Variants in ABCC6 observed in about 807,000 individuals in gnomAD.
ABCC6 encodes the protein ATP binding cassette subfamily C member 6, also known as ATP-binding cassette sub-family C member 6.
A neutral mutation model predicts 169.5 loss-of-function variants in ABCC6; 126 were observed. The observed-to-expected ratio is 0.74, with a 90% CI of 0.64 to 0.86. The LOEUF is 0.86. Ranked by LOEUF, ABCC6 falls within the 40% of genes least tolerant of loss-of-function variation. The pLI, the probability that ABCC6 is intolerant of heterozygous loss-of-function variation, is 0.00. For missense variants in ABCC6, 1,733 were observed against 1,927.2 expected, an observed-to-expected ratio of 0.90 and a Z score of 1.89; for synonymous variants, 752 against 814.7, an observed-to-expected ratio of 0.92 and a Z score of 1.31.
At chr16:16,189,181 C>T (rs979638768) in intron 12 of ABCC6, among the ~76,000 whole-genome samples, 4 of 152,204 alleles carry the variant, frequency 2.6e-5, no homozygotes, top group South Asian at 2.1e-4. Context: ...AAAGACACAG[C>T]GCATTGCTAA....
rs1400122631 is a variant in ABCC6, at chr16:16,199,852, G to A, written c.1177-1670C>T. ...GGAGGCTGAGGCGGGTGGATTGCTTGAGGCCGGGAGTTCGAGATCAGCCTG... is the reference window on the plus strand; with the variant it reads ...GGAGGCTGAGGCGGGTGGATTGCTTAAGGCCGGGAGTTCGAGATCAGCCTG... On this transcript the variant is annotated intron_variant, in intron 9 of 30. Transcript: ENST00000205557. Among the ~76,000 whole-genome samples the A allele has an allele frequency of 2.0e-5, 3 of 150,902 alleles. No individual in the cohort carries two copies. In the Admixed American group the frequency reaches 2.0e-4, roughly 10 times the overall value.
chr16:16,179,048 C>T (rs1420659710), intron 17 of ABCC6, 83 bp from the exon 18 acceptor site: 1 of 1,440,242 alleles, frequency 6.9e-7, no homozygotes. Flanking sequence ...GGTCAGGGCA[C>T]ACCTGCCCAT....
intron 17 of ABCC6, 75 bp downstream of exon 17, chr16:16,182,337 C>T: frequency 6.4e-7 from 1 of 1,554,124 alleles, no homozygotes; most frequent in Non-Finnish European, 8.9e-7. Flanking sequence ...ATCATACTGC[C>T]CATGATGAGT....
At chr16:16,155,838 T>C (rs889496250) in intron 27 of ABCC6, 1 of 152,362 alleles carries the variant, frequency 6.6e-6, no homozygotes, top group Non-Finnish European at 1.5e-5. Context: ...CTTGCTCCAG[T>C]GTGCCCATCA....
At chr16:16,214,570 C>T (rs2048780526) in intron 4 of ABCC6, 121 bp from the exon 5 acceptor site, 1 of 1,498,394 alleles carries the variant, frequency 6.7e-7, no homozygotes, top group Non-Finnish European at 8.9e-7. Context: ...TATTTGAAAG[C>T]CAGAGCCCTG....
At chr16:16,211,640 A>C (rs1453978629) in intron 6 of ABCC6, among the ~76,000 whole-genome samples, 1 of 152,128 alleles carries the variant, frequency 6.6e-6, no homozygotes, top group Non-Finnish European at 1.5e-5. Context: ...CTGAGGTCTG[A>C]ATGCCGTGTG....
At chr16:16,217,908 A>G (rs1489618242) in intron 4 of ABCC6, among the ~76,000 whole-genome samples, 1 of 152,118 alleles carries the variant, frequency 6.6e-6, no homozygotes, top group Non-Finnish European at 1.5e-5. Context: ...TGGCCAACAT[A>G]TTGAAACCTT....
chr16:16,175,824 G>A (rs1186276646), intron 20 of ABCC6, 87 bp downstream of exon 20: 20 of 1,479,584 alleles, frequency 1.4e-5, no homozygotes, highest in South Asian at 2.3e-5. Flanking sequence ...TTGGTTGCCC[G>A]CCTAACTGCC....
At chr16:16,177,815 C>A (rs149494759) in intron 18 of ABCC6, among the ~76,000 whole-genome samples, 189 bp from the exon 19 acceptor site, 1 of 152,014 alleles carries the variant, frequency 6.6e-6, no homozygotes, top group Non-Finnish European at 1.5e-5. Context: ...AGGTGGCGCA[C>A]ACCTGTAGTC....
At chr16:16,221,491 T>C (rs2141225817) in intron 2 of ABCC6, 158 bp downstream of exon 2, 1 of 1,469,740 alleles carries the variant, frequency 6.8e-7, no homozygotes, top group South Asian at 1.4e-5. Context: ...TCCACTGAGT[T>C]GACCTCTGTA....
intron 21 of ABCC6, among the ~76,000 whole-genome samples, chr16:16,170,224 C>G (rs1219700913): frequency 1.3e-5 from 2 of 152,006 alleles, no homozygotes; most frequent in Non-Finnish European, 2.9e-5. Flanking sequence ...CCTCAGCCTC[C>G]CGAGTAGTCA....
chr16:16,186,549 G>A (rs920421041), intron 14 of ABCC6, among the ~76,000 whole-genome samples: 5 of 151,154 alleles, frequency 3.3e-5, no homozygotes, highest in African/African-American at 1.2e-4. Flanking sequence ...AAAGGAGCAC[G>A]AACACTTGTG....
intron 29 of ABCC6, among the ~76,000 whole-genome samples, chr16:16,152,851 G>T (rs2046429323): frequency 6.6e-6 from 1 of 152,004 alleles, no homozygotes; most frequent in Non-Finnish European, 1.5e-5. Flanking sequence ...AAGCCCTTCG[G>T]ACACCCTCAG....
intron 29 of ABCC6, among the ~76,000 whole-genome samples, chr16:16,151,879 C>T (rs1209006978): frequency 6.6e-6 from 1 of 151,970 alleles, no homozygotes; most frequent in African/African-American, 2.4e-5. Flanking sequence ...CTCGCTGAAT[C>T]GTGACGACAT....
chr16:16,210,672 C>CTT (rs2048578657), intron 6 of ABCC6, among the ~76,000 whole-genome samples: 2 of 152,206 alleles, frequency 1.3e-5, no homozygotes, highest in Admixed American at 1.3e-4. Context: ...AAAAAAGCAT[C>CTT]AAGAGTGGTC....
At chr16:16,214,492 G>T in intron 4 of ABCC6, 43 bp from the exon 5 acceptor site, 1 of 1,551,600 alleles carries the variant, frequency 6.4e-7, no homozygotes. Context: ...AGACAGAGGA[G>T]GGTGCTCAGA....
intron 13 of ABCC6, among the ~76,000 whole-genome samples, chr16:16,187,889 A>G (rs1290305701): frequency 7.3e-6 from 1 of 137,032 alleles, no homozygotes; most frequent in Non-Finnish European, 1.6e-5. Flanking sequence ...AGAGTGAGAC[A>G]CTGTCTCAAT....
In ABCC6 at chr16:16,184,270, T is replaced by C. The variant is rs60988197; in HGVS notation, c.1943+689A>G. 6.0e-3 allele frequency: 1,258 copies of C among 209,842 alleles called. 16 individuals are homozygous for C. Among genetic ancestry groups the C allele is most frequent in the African/African-American group, 0.025 (1,053 of 42,290 alleles). 13.0% of individuals were successfully genotyped at this position (209,842 alleles called of 1,614,324 possible). Reference sequence around the variant, plus strand: ...GACACTCCTTCCTTATGATCTCGGCTTGAATGCAAAGCCTTCCCTCGCTAG... The same window carrying C: ...GACACTCCTTCCTTATGATCTCGGCCTGAATGCAAAGCCTTCCCTCGCTAG... On this transcript the variant is annotated intron_variant, in intron 15 of 30. Coordinates refer to ENST00000205557, the MANE Select transcript of ABCC6 (RefSeq NM_001171.6).
At position 16,155,001 on chromosome 16, in the gene ABCC6, TC is replaced by T. The variant is rs72664236; in HGVS notation, c.3912del (p.Lys1305SerfsTer54). On this transcript the variant is annotated frameshift_variant, in exon 28 of 31. Transcript: ENST00000205557. LOFTEE classifies it high-confidence loss of function. ...KVGIVGRTGA[G>X]KSSLASGLLR... is the part of the protein sequence containing the mutation. Reference sequence around the variant, plus strand: ...AGCAGCCCACTGGCCAGGGAGGACTTCCCTGCCCCGGTCCTGCCAACGATGC... The same window carrying T: ...AGCAGCCCACTGGCCAGGGAGGACTTCCTGCCCCGGTCCTGCCAACGATGC... 5.7e-6 allele frequency: 9 copies of T among 1,565,540 alleles called. No homozygotes were observed. The highest frequency in any genetic ancestry group is 6.9e-6 in the Non-Finnish European group (8 of 1,155,596).
Sources: allele counts gnomAD v4.1 joint callset (sites outside exome capture counted in the v4.1 genomes callset), GRCh38; gene constraint gnomAD v4.1.1; transcripts MANE v1.5; gene names NCBI Gene and HGNC (gene_info 2026-07-23, HGNC 2026-07-21).